The following DIAPH2 variants were observed in gnomAD, a reference collection of about 807,000 sequenced individuals.
DIAPH2 encodes protein diaphanous homolog 2.
Under a neutral mutation model 92.7 loss-of-function variants are expected in DIAPH2, and 35 were observed. The observed-to-expected ratio is 0.38, with a 90% CI of 0.29 to 0.50. The LOEUF (loss-of-function observed/expected upper bound fraction) is 0.50. Ranked by LOEUF, DIAPH2 falls within the 20% of genes least tolerant of loss-of-function variation. The pLI, the probability that DIAPH2 is intolerant of heterozygous loss-of-function variation, is 0.94. For missense variants in DIAPH2, 701 were observed against 819.5 expected, an observed-to-expected ratio of 0.86 and a Z score of 1.77; for synonymous variants, 301 against 280.4, an observed-to-expected ratio of 1.07 and a Z score of -0.73.
chrX:97,500,190 C>G (rs2070785671), intron 26 of DIAPH2, among the ~76,000 whole-genome samples: 1 of 111,724 alleles, frequency 9.0e-6, no homozygotes, highest in Non-Finnish European at 1.9e-5. Flanking sequence ...GTTTACTGCT[C>G]ATGGGTTCCA....
chrX:97,300,083 G>T (rs1307947757), intron 23 of DIAPH2, among the ~76,000 whole-genome samples: 1 of 112,243 alleles, frequency 8.9e-6, no homozygotes, highest in Non-Finnish European at 1.9e-5. Flanking sequence ...GTTGTGCGTT[G>T]TAAGACTGAC....
At chrX:97,328,848 C>T (rs1569363838) in intron 23 of DIAPH2, among the ~76,000 whole-genome samples, 1 of 111,042 alleles carries the variant, frequency 9.0e-6, no homozygotes, top group Non-Finnish European at 1.9e-5. Flanking sequence ...GTATTTTTAT[C>T]TAAATTAATT....
chrX:96,764,657 C>T (rs1283750352), intron 4 of DIAPH2, among the ~76,000 whole-genome samples: 1 of 111,552 alleles, frequency 9.0e-6, no homozygotes, highest in Non-Finnish European at 1.9e-5. Context: ...GATTGTGATT[C>T]AGGTGGCCTG....
intron 26 of DIAPH2, among the ~76,000 whole-genome samples, chrX:97,579,583 G>C (rs1164749902): frequency 9.0e-6 from 1 of 111,265 alleles, no homozygotes; most frequent in Non-Finnish European, 1.9e-5. Context: ...TTGTAGTATA[G>C]TTTGAAGTCA....
intron 26 of DIAPH2, among the ~76,000 whole-genome samples, chrX:97,519,957 C>T (rs2070979596): frequency 1.8e-5 from 2 of 110,884 alleles, no homozygotes; most frequent in East Asian, 5.7e-4. Context: ...ATGATCCACC[C>T]GCCTCGGCCT....
chrX:96,770,823 C>T (rs970020561), intron 4 of DIAPH2, among the ~76,000 whole-genome samples: 4 of 112,053 alleles, frequency 3.6e-5, no homozygotes, highest in African/African-American at 1.3e-4. Context: ...TTAAAAATAG[C>T]ACAAACACTA....
chrX:97,362,190 G>A (rs1043381079), intron 24 of DIAPH2, among the ~76,000 whole-genome samples: 5 of 109,013 alleles, frequency 4.6e-5, no homozygotes, highest in Non-Finnish European at 5.7e-5. Flanking sequence ...GCAGTGAGCC[G>A]AGATGGTACC....
At chrX:97,187,280 C>CTTTTTTTTTTTTTTT in intron 22 of DIAPH2, among the ~76,000 whole-genome samples, 2 of 10,220 alleles carry the variant, frequency 2.0e-4, no homozygotes, top group African/African-American at 2.6e-4. Context: ...AATTAAGTAG[C>CTTTTTTTTTTTTTTT]CTTTTTTTTT....
At chrX:97,070,630 T>C (rs1370821474) in intron 17 of DIAPH2, among the ~76,000 whole-genome samples, 1 of 111,878 alleles carries the variant, frequency 8.9e-6, no homozygotes, top group African/African-American at 3.2e-5. Context: ...GGCAAAAATA[T>C]GATTAGTTCT....
chrX:97,068,172 T>C (rs770736029), intron 17 of DIAPH2, among the ~76,000 whole-genome samples: 1 of 111,757 alleles, frequency 8.9e-6, no homozygotes, highest in African/African-American at 3.2e-5. Flanking sequence ...CCCTGATCAC[T>C]AGTGAAGTTG....
intron 1 of DIAPH2, among the ~76,000 whole-genome samples, chrX:96,692,045 G>T (rs985249867): frequency 8.9e-6 from 1 of 111,917 alleles, no homozygotes; most frequent in African/African-American, 3.2e-5. Context: ...TTAATTCGTT[G>T]GTCTGTTATT....
chrX:97,525,888 A>G (rs2071021194), intron 26 of DIAPH2, among the ~76,000 whole-genome samples: 1 of 111,993 alleles, frequency 8.9e-6, no homozygotes, highest in Non-Finnish European at 1.9e-5. Context: ...GCTCTGAACT[A>G]TATGTTGAAT....
intron 4 of DIAPH2, among the ~76,000 whole-genome samples, chrX:96,803,437 G>A (rs1569399375): frequency 9.0e-6 from 1 of 111,376 alleles, no homozygotes; most frequent in South Asian, 3.8e-4. Context: ...TAACCAATAT[G>A]TTAAATCTTA....
intron 22 of DIAPH2, among the ~76,000 whole-genome samples, chrX:97,190,756 C>T (rs1053017166): frequency 1.9e-5 from 2 of 106,764 alleles, no homozygotes; most frequent in African/African-American, 6.9e-5. Flanking sequence ...ATTTCTTGAA[C>T]CCGGGAGGCG....
chrX:96,863,732 T>C (rs1480909787), intron 4 of DIAPH2, among the ~76,000 whole-genome samples: 1 of 111,151 alleles, frequency 9.0e-6, no homozygotes, highest in African/African-American at 3.3e-5. Context: ...TCATTTTAAA[T>C]AATATTGAGT....
intron 16 of DIAPH2, among the ~76,000 whole-genome samples, chrX:96,960,422 A>G (rs1179900065): frequency 9.0e-6 from 1 of 110,872 alleles, no homozygotes; most frequent in Non-Finnish European, 1.9e-5. Flanking sequence ...TTGTTCAGCT[A>G]TAGAAACATT....
chrX:97,435,478 C>T (rs1039378492), intron 26 of DIAPH2, among the ~76,000 whole-genome samples: 1 of 111,562 alleles, frequency 9.0e-6, no homozygotes, highest in Non-Finnish European at 1.9e-5. Flanking sequence ...GTTAGAGTAA[C>T]CACTCCCAAC....
intron 24 of DIAPH2, among the ~76,000 whole-genome samples, chrX:97,362,016 G>T (rs1848720044): frequency 8.9e-6 from 1 of 111,762 alleles, no homozygotes; most frequent in Admixed American, 9.5e-5. Flanking sequence ...CAAGGCGGGT[G>T]GATCACTTGA....
At chrX:96,971,995 T>C (rs1234809951) in intron 17 of DIAPH2, among the ~76,000 whole-genome samples, 1 of 111,868 alleles carries the variant, frequency 8.9e-6, no homozygotes, top group Non-Finnish European at 1.9e-5. Flanking sequence ...GTGGCAGGTT[T>C]AGTAAGAAAT....
Sources: gnomAD v4.1 joint callset for allele counts (sites outside exome capture counted in the v4.1 genomes callset) on GRCh38, gnomAD v4.1.1 for gene constraint, MANE v1.5 for transcripts, NCBI Gene and HGNC (gene_info 2026-07-23, HGNC 2026-07-21) for gene names.